The following MTHFD1L variants were observed in gnomAD, a reference collection of about 807,000 sequenced individuals.
MTHFD1L encodes the protein monofunctional C1-tetrahydrofolate synthase, mitochondrial.
A neutral mutation model predicts 119.5 loss-of-function variants in MTHFD1L; 81 were observed. The ratio of observed to expected loss-of-function variants is 0.68; its 90% CI spans 0.57 to 0.82. The LOEUF is 0.82. Among genes scored for constraint, MTHFD1L ranks in the 40% least tolerant of loss-of-function variants. The pLI, the probability that MTHFD1L is intolerant of heterozygous loss-of-function variation, is 0.00. For missense variants in MTHFD1L, 1,125 were observed against 1,253.4 expected, an observed-to-expected ratio of 0.90 and a Z score of 1.55; for synonymous variants, 430 against 475.2, an observed-to-expected ratio of 0.90 and a Z score of 1.24.
chr6:150,886,065 C>T (rs1403430386), intron 6 of MTHFD1L, among the ~76,000 whole-genome samples: 1 of 152,088 alleles, frequency 6.6e-6, no homozygotes, highest in Non-Finnish European at 1.5e-5. Flanking sequence ...GTCAAAATAA[C>T]CACAGTAAAA....
At position 151,039,305 on chromosome 6, in the gene MTHFD1L, A is replaced by G. The variant is rs1037270653; in HGVS notation, c.2847+2188A>G. 1.3e-5 allele frequency among the ~76,000 whole-genome samples: 2 copies of G among 152,164 alleles called. No individual in the cohort carries two copies. Among genetic ancestry groups the G allele is most frequent in the Non-Finnish European group, 2.9e-5 (2 of 68,022 alleles). ...CATTTTCAGGTCTACAGTTCAGATCAGTGGTTGCCAGGAGTTGGGGGAGGG... is the reference window on the plus strand; with the variant it reads ...CATTTTCAGGTCTACAGTTCAGATCGGTGGTTGCCAGGAGTTGGGGGAGGG... On this transcript the variant is annotated intron_variant, in intron 26 of 27. Coordinates refer to ENST00000367321, the MANE Select transcript of MTHFD1L (RefSeq NM_015440.5). The surrounding 1 kb of genome is among the most constrained non-coding windows in gnomAD (Gnocchi z 4.4).
chr6:150,973,134 C>T (rs929805879), intron 20 of MTHFD1L, among the ~76,000 whole-genome samples: 6 of 152,234 alleles, frequency 3.9e-5, no homozygotes, highest in Admixed American at 1.3e-4. Context: ...TAATCGGAGA[C>T]AGCAATCTCT....
intron 21 of MTHFD1L, among the ~76,000 whole-genome samples, chr6:151,011,470 G>A (rs942566919): frequency 7.9e-5 from 12 of 151,948 alleles, no homozygotes; most frequent in African/African-American, 2.7e-4. Flanking sequence ...GAGACGCAGT[G>A]ACTTGAGTGG....
intron 20 of MTHFD1L, among the ~76,000 whole-genome samples, chr6:150,982,376 G>A (rs549495090): frequency 1.3e-3 from 201 of 152,228 alleles, no homozygotes; most frequent in Non-Finnish European, 1.2e-3. Context: ...GATCCAAAAA[G>A]CCTCATTTTG....
At chr6:151,001,308 C>T (rs1780587308) in intron 20 of MTHFD1L, among the ~76,000 whole-genome samples, 1 of 152,160 alleles carries the variant, frequency 6.6e-6, no homozygotes. Flanking sequence ...CATAGCAAGG[C>T]AGAAGTTTAA....
chr6:151,055,368 C>T (rs1464916398), intron 26 of MTHFD1L, among the ~76,000 whole-genome samples: 4 of 152,214 alleles, frequency 2.6e-5, no homozygotes, highest in South Asian at 4.2e-4. Context: ...GCCCCCAGCA[C>T]CTCTTGAGGT....
intron 9 of MTHFD1L, 152 bp from the exon 10 acceptor site, chr6:150,922,053 G>A (rs778560106): frequency 6.7e-5 from 41 of 609,266 alleles, no homozygotes; most frequent in African/African-American, 1.5e-4. Flanking sequence ...CTAGTTACAC[G>A]TGAATAAAAA....
At chr6:150,921,101 GCCA>G (rs201095466) in intron 9 of MTHFD1L, among the ~76,000 whole-genome samples, 13,373 of 151,154 alleles carry the variant, frequency 0.088, 834 homozygotes, top group African/African-American at 0.17. Context: ...ACAGGCACAT[GCCA>G]CCACCACGCC....
intron 13 of MTHFD1L, among the ~76,000 whole-genome samples, chr6:150,940,031 T>C (rs1792834723): frequency 6.6e-6 from 1 of 152,164 alleles, no homozygotes; most frequent in African/African-American, 2.4e-5. Flanking sequence ...GATTTTCCCA[T>C]GCCTGGAACA....
intron 24 of MTHFD1L, among the ~76,000 whole-genome samples, chr6:151,015,991 G>A (rs1211652873): frequency 2.0e-5 from 3 of 152,190 alleles, no homozygotes; most frequent in Non-Finnish European, 4.4e-5. Flanking sequence ...GGAGGCTGAG[G>A]TGGGAGAATT....
At chr6:150,866,516 G>T in intron 1 of MTHFD1L, 2 of 1,289,848 alleles carry the variant, frequency 1.6e-6, no homozygotes, top group Non-Finnish European at 2.0e-6. Flanking sequence ...GGGAGAGGCG[G>T]GCTCGGGCCC....
At chr6:150,990,478 A>C (rs1778912117) in intron 20 of MTHFD1L, among the ~76,000 whole-genome samples, 1 of 151,816 alleles carries the variant, frequency 6.6e-6, no homozygotes, top group African/African-American at 2.4e-5. Flanking sequence ...TATTTTTTTG[A>C]GACAGAGTTT....
intron 20 of MTHFD1L, among the ~76,000 whole-genome samples, chr6:151,003,390 A>G (rs1203104773): frequency 6.6e-6 from 1 of 152,062 alleles, no homozygotes; most frequent in African/African-American, 2.4e-5. Flanking sequence ...AAATTAGCCG[A>G]GCGTGGTGGT....
At chr6:150,965,159 C>A in intron 19 of MTHFD1L, 122 bp downstream of exon 19, 2 of 800,390 alleles carry the variant, frequency 2.5e-6, no homozygotes, top group Non-Finnish European at 4.2e-6. Context: ...GCTTTGCAAT[C>A]TCAGGCAGAA....
chr6:151,022,577 G>A (rs1076747), intron 24 of MTHFD1L, among the ~76,000 whole-genome samples: 34,904 of 152,022 alleles, frequency 0.23, 4,336 homozygotes, highest in Middle Eastern at 0.3. Context: ...AATTAGAAGG[G>A]AAAAAACACA....
At chr6:151,035,289 G>A (rs1401438462) in intron 25 of MTHFD1L, among the ~76,000 whole-genome samples, 1 of 152,134 alleles carries the variant, frequency 6.6e-6, no homozygotes. Context: ...CGTATGCCTC[G>A]AGTGTCCCTC....
intron 7 of MTHFD1L, among the ~76,000 whole-genome samples, chr6:150,900,027 AT>A (rs1784877134): frequency 6.7e-6 from 1 of 148,340 alleles, no homozygotes; most frequent in Non-Finnish European, 1.5e-5. Flanking sequence ...ATATATTTAT[AT>A]TTTTATATAT....
At chr6:151,067,806 A>C (rs769658620) in intron 26 of MTHFD1L, among the ~76,000 whole-genome samples, 1 of 152,226 alleles carries the variant, frequency 6.6e-6, no homozygotes, top group South Asian at 2.1e-4. Flanking sequence ...ATTCTTCTCC[A>C]GGAATTGAAA....
chr6:151,002,237 C>T lies in MTHFD1L; in HGVS notation c.2126-7582C>T, dbSNP rs575970191. Among the ~76,000 whole-genome samples, 26 of 152,216 alleles carry T rather than the reference C, an allele frequency of 1.7e-4. No homozygotes were observed. The South Asian group carries it at 5.2e-3, about 30-fold the overall frequency. On this transcript the variant is annotated intron_variant, in intron 20 of 27. Transcript: ENST00000367321. ...TTGGCAGAGGTTGCTAGCAGACAGGCCTTGGTTTTAGTCCAAGCTCTATCG... is the reference window on the plus strand; with the variant it reads ...TTGGCAGAGGTTGCTAGCAGACAGGTCTTGGTTTTAGTCCAAGCTCTATCG...
Sources: gnomAD v4.1 joint callset for allele counts (sites outside exome capture counted in the v4.1 genomes callset) on GRCh38, gnomAD v4.1.1 for gene constraint, Gnocchi (gnomAD v3.1) non-coding constraint, MANE v1.5 for transcripts, NCBI Gene and HGNC (gene_info 2026-07-23, HGNC 2026-07-21) for gene names.